DISP1: variants seen among roughly 807,000 people sequenced by gnomAD.
The protein encoded by DISP1 is protein dispatched homolog 1.
A neutral mutation model predicts 37.3 loss-of-function variants in DISP1; 30 were observed. The observed-to-expected ratio is 0.80, with a 90% CI of 0.60 to 1.09. The LOEUF (loss-of-function observed/expected upper bound fraction) is 1.09. Among genes scored for constraint, DISP1 ranks in the 50% least tolerant of loss-of-function variants. DISP1 has a pLI of 0.00. For missense variants in DISP1, 1,598 were observed against 1,879.5 expected (o/e 0.85, Z 2.77); for synonymous variants, 634 against 690.2 (o/e 0.92, Z 1.28).
At chr1:222,948,296 C>T (rs1485568508) in intron 3 of DISP1, among the ~76,000 whole-genome samples, 2 of 152,134 alleles carry the variant, frequency 1.3e-5, no homozygotes, top group Admixed American at 1.3e-4. Context: ...TGACTCAGGC[C>T]AGCAGGTATT....
intron 1 of DISP1, among the ~76,000 whole-genome samples, chr1:222,831,204 CA>C (rs1000750344): frequency 5.3e-5 from 8 of 152,106 alleles, no homozygotes; most frequent in African/African-American, 1.4e-4. Flanking sequence ...TGGGTTCTGT[CA>C]ACGTTGAGAA....
At position 222,936,814 on chromosome 1, in the gene DISP1, T is replaced by TTATATATCATATATATG. The variant is rs1558339976; in HGVS notation, c.-17-5993_-17-5992insTATATATCATATATATG. Among the ~76,000 whole-genome samples, 89 of 32,500 alleles carry TTATATATCATATATATG rather than the reference T, an allele frequency of 2.7e-3. 1 individual carries two copies. Among genetic ancestry groups the TTATATATCATATATATG allele is most frequent in the African/African-American group, 7.8e-3 (80 of 10,306 alleles). The allele number at this position is 32,500 out of a possible 152,430, so 21.3% of individuals were successfully genotyped here. On this transcript the variant is annotated intron_variant, in intron 2 of 8. Coordinates refer to ENST00000675850, the MANE Select transcript of DISP1 (RefSeq NM_001377229.1). ...TATATAATATATTATATATATAAAT[T>TTATATATCATATATATG]ATATATAATATATATAAATTATATA...
chr1:222,850,422 CT>C (rs35375396), intron 1 of DISP1, among the ~76,000 whole-genome samples: 13 of 151,352 alleles, frequency 8.6e-5, no homozygotes, highest in African/African-American at 1.7e-4. Flanking sequence ...AACTGCTACA[CT>C]TTTTTTTTCC....
intron 3 of DISP1, among the ~76,000 whole-genome samples, chr1:222,958,708 C>A (rs1675806953): frequency 6.6e-6 from 1 of 152,062 alleles, no homozygotes; most frequent in African/African-American, 2.4e-5. Flanking sequence ...AAAAGCAATT[C>A]TTCGTCATTG....
chr1:222,869,772 TTCTTACCACC>T (rs1414929315), intron 1 of DISP1, among the ~76,000 whole-genome samples: 1 of 152,164 alleles, frequency 6.6e-6, no homozygotes, highest in Non-Finnish European at 1.5e-5. Context: ...TCATGAAGAA[TTCTTACCACC>T]TCTTTTTTTT....
intron 1 of DISP1, among the ~76,000 whole-genome samples, chr1:222,855,919 G>T (rs932441930): frequency 2.1e-5 from 3 of 140,612 alleles, no homozygotes; most frequent in African/African-American, 8.0e-5. Flanking sequence ...AAAAAAAAAT[G>T]CAGCTGCTTG....
intron 1 of DISP1, among the ~76,000 whole-genome samples, chr1:222,823,245 C>A (rs1663394869): frequency 6.6e-6 from 1 of 152,124 alleles, no homozygotes; most frequent in South Asian, 2.1e-4. Context: ...TTTATTGCAG[C>A]ACTGTTGACA....
In DISP1 at chr1:222,866,348, T is replaced by TTGTTGTTGC. The variant is rs530860275; in HGVS notation, c.-159+51275_-159+51276insTTGCTGTTG. ...TTTGTTGTTGTTGTTGTTGTTGTTGTTGTTGCTGTTGTTTGAGGCAGAGTC... is the reference window on the plus strand; with the variant it reads ...TTTGTTGTTGTTGTTGTTGTTGTTGTTGTTGTTGCTGTTGCTGTTGTTTGAGGCAGAGTC... On this transcript the variant is annotated intron_variant, in intron 1 of 8. Coordinates refer to ENST00000675850, the MANE Select transcript of DISP1 (RefSeq NM_001377229.1). Among the ~76,000 whole-genome samples, 440 of 152,036 alleles carry TTGTTGTTGC rather than the reference T, an allele frequency of 2.9e-3. 3 individuals are homozygous for TTGTTGTTGC. The highest frequency in any genetic ancestry group is 0.01 in the African/African-American group (427 of 41,436).
intron 3 of DISP1, among the ~76,000 whole-genome samples, chr1:222,955,372 A>G (rs1675524220): frequency 6.6e-6 from 1 of 152,216 alleles, no homozygotes; most frequent in Non-Finnish European, 1.5e-5. Context: ...GGTGTGAGCC[A>G]CAGCACCCAG....
intron 1 of DISP1, among the ~76,000 whole-genome samples, chr1:222,816,928 G>A (rs1044773983): frequency 2.6e-5 from 4 of 151,938 alleles, no homozygotes; most frequent in African/African-American, 7.3e-5. Flanking sequence ...TTTTTCTTCC[G>A]CCTTTTCCCA....
chr1:222,990,482 C>T (rs1678620299), intron 4 of DISP1, 143 bp from the exon 5 acceptor site: 1 of 1,139,436 alleles, frequency 8.8e-7, no homozygotes, highest in Admixed American at 1.8e-5. Flanking sequence ...TGATAAACAC[C>T]TGTATGTAGT....
chr1:222,985,493 T>C (rs1457511723), intron 4 of DISP1, among the ~76,000 whole-genome samples: 2 of 152,074 alleles, frequency 1.3e-5, no homozygotes, highest in African/African-American at 2.4e-5. Context: ...CTACTAAAAA[T>C]ACAAAAATTA....
At chr1:222,832,283 C>T (rs920758679) in intron 1 of DISP1, among the ~76,000 whole-genome samples, 1 of 152,082 alleles carries the variant, frequency 6.6e-6, no homozygotes, top group Non-Finnish European at 1.5e-5. Context: ...TCCTGATTTA[C>T]TACTTGTTGG....
chr1:222,980,435 GTGTGTA>G (rs2102688331), intron 3 of DISP1, among the ~76,000 whole-genome samples: 1 of 139,302 alleles, frequency 7.2e-6, no homozygotes, highest in South Asian at 2.3e-4. Context: ...GTGTGTGTGT[GTGTGTA>G]TAAGAGAGAA....
At chr1:222,839,416 C>T (rs560025780) in intron 1 of DISP1, among the ~76,000 whole-genome samples, 1 of 152,172 alleles carries the variant, frequency 6.6e-6, no homozygotes, top group South Asian at 2.1e-4. Context: ...AAAGATTAGG[C>T]ACCACTTATC....
rs761469315 is a variant in DISP1, at chr1:222,983,064, C to CT, written c.510-4dup. The CT allele has an allele frequency of 0.1, 95,069 of 926,696 alleles. No homozygotes were observed. The highest frequency in any genetic ancestry group is 0.11 in the South Asian group (5,691 of 49,870). 57.4% of individuals were successfully genotyped at this position (926,696 alleles called of 1,614,324 possible). A position where few individuals can be genotyped will look rare whatever the true frequency, so the allele number is the denominator to read the frequency against. On this transcript the variant is annotated splice_polypyrimidine_tract_variant and intron_variant, in intron 3 of 8. Transcript: ENST00000675850. ...TCTGTTTTTGATCATTTTTCCTTTG[C>CT]TTTTTTTTTTTTCAGACCATCCAGA...
rs1558300576 is a variant in DISP1 at position 222,865,697 on chromosome 1, T to C, written c.-159+50619T>C. On this transcript the variant is annotated intron_variant, in intron 1 of 8. Coordinates refer to ENST00000675850, the MANE Select transcript of DISP1 (RefSeq NM_001377229.1). ...TTTTCTGTGGGGCAAAGTGGTTTTG[T>C]CATATCATAGATTCCCTGTTCCTTA... Among the ~76,000 whole-genome samples, 5 of 152,214 alleles carry C rather than the reference T, an allele frequency of 3.3e-5. No homozygotes were observed. The South Asian group carries it at 1.0e-3, about 32-fold the overall frequency.
chr1:222,839,426 C>CTA (rs1667455969), intron 1 of DISP1, among the ~76,000 whole-genome samples: 1 of 152,178 alleles, frequency 6.6e-6, no homozygotes, highest in Admixed American at 6.5e-5. Flanking sequence ...CACCACTTAT[C>CTA]TATAGCCTTT....
In DISP1 at chr1:222,854,398, A is replaced by G. The variant is rs374316178; in HGVS notation, c.-159+39320A>G. 3.3e-5 allele frequency among the ~76,000 whole-genome samples: 5 copies of G among 152,292 alleles called. No individual in the cohort carries two copies. The East Asian group carries it at 5.8e-4, about 18-fold the overall frequency. On this transcript the variant is annotated intron_variant, in intron 1 of 8. Coordinates refer to ENST00000675850, the MANE Select transcript of DISP1 (RefSeq NM_001377229.1). Reference sequence around the variant, plus strand: ...AATGAGTGCAAGCAGGGGAAATGCCACATGCTTATAAAACCATCAGATCTT... The same window carrying G: ...AATGAGTGCAAGCAGGGGAAATGCCGCATGCTTATAAAACCATCAGATCTT...
Sources: gnomAD v4.1 joint callset for allele counts (sites outside exome capture counted in the v4.1 genomes callset) on GRCh38, gnomAD v4.1.1 for gene constraint, MANE v1.5 for transcripts, NCBI Gene and HGNC (gene_info 2026-07-23, HGNC 2026-07-21) for gene names.